The following TCF21 variants were observed in gnomAD, a reference collection of about 807,000 sequenced individuals.
TCF21 encodes capsulin.
A neutral mutation model predicts 13.5 loss-of-function variants in TCF21; 3 were observed. The observed-to-expected ratio is 0.22, with a 90% CI of 0.10 to 0.57. The LOEUF (loss-of-function observed/expected upper bound fraction) is 0.57. TCF21 is among the 20% of genes least tolerant of loss of function. The pLI, the probability that TCF21 is intolerant of heterozygous loss-of-function variation, is 0.92. For synonymous variants in TCF21, 92 were observed against 101.7 expected, an observed-to-expected ratio of 0.90 and a Z score of 0.57; for missense variants, 181 against 238.4, an observed-to-expected ratio of 0.76 and a Z score of 1.59.
At position 133,889,950 on chromosome 6, in the gene TCF21, C is replaced by T; in HGVS notation, c.450+103C>T. ...GCTGGGAGTGGGGGTGTGGGCGCGG[C>T]GGTGACTTACACATCTCGACCACCG... On this transcript the variant is annotated intron_variant, in intron 1 of 1. Coordinates refer to ENST00000367882, the MANE Select transcript of TCF21 (RefSeq NM_003206.4). This position sits in a 1 kb window ranked among gnomAD's most constrained non-coding sequence, Gnocchi z 5.1. The T allele has an allele frequency of 1.5e-6, 2 of 1,338,542 alleles. No homozygotes were observed. Among genetic ancestry groups the T allele is most frequent in the Non-Finnish European group, 2.1e-6 (2 of 943,438 alleles). 82.9% of individuals were successfully genotyped at this position (1,338,542 alleles called of 1,614,324 possible).
downstream of TCF21, chr6:133,892,602 G>A (rs1426555865): frequency 1.3e-5 from 2 of 152,184 alleles, no homozygotes; most frequent in Admixed American, 1.3e-4. Flanking sequence ...TGACACGGGC[G>A]AGAAAGTAAA....
In TCF21 at chr6:133,890,922, C is replaced by T. The variant is rs1775205607; in HGVS notation, c.451-791C>T. 5.3e-5 allele frequency among the ~76,000 whole-genome samples: 8 copies of T among 152,164 alleles called. No homozygotes were observed. The South Asian group carries it at 1.7e-3, about 32-fold the overall frequency. ...TCCAATTGAAAGTTTGGGGTTTTTCCCCCCCAATGAGTAAATAGCTTTTTA... is the reference window on the plus strand; with the variant it reads ...TCCAATTGAAAGTTTGGGGTTTTTCTCCCCCAATGAGTAAATAGCTTTTTA... On this transcript the variant is annotated intron_variant, in intron 1 of 1. Coordinates refer to ENST00000367882, the MANE Select transcript of TCF21 (RefSeq NM_003206.4).
chr6:133,890,759 C>T lies in TCF21; in HGVS notation c.450+912C>T, dbSNP rs1056338295. 1.2e-4 allele frequency among the ~76,000 whole-genome samples: 19 copies of T among 152,234 alleles called. No homozygotes were observed. In the South Asian group the frequency reaches 1.5e-3, roughly 12 times the overall value. On this transcript the variant is annotated intron_variant, in intron 1 of 1. Coordinates refer to ENST00000367882, the MANE Select transcript of TCF21 (RefSeq NM_003206.4). The stretch of plus-strand genomic sequence containing the variant: ...ATATGATAAGAATGAGAGATTTTTC[C>T]TTTTAAAAGGCAAGTCTTATCAGCT...
chr6:133,889,334 T>G lies in TCF21; in HGVS notation c.-64T>G. The G allele has an allele frequency of 1.9e-6, 3 of 1,596,116 alleles. No homozygotes were observed. The highest frequency in any genetic ancestry group is 2.6e-6 in the Non-Finnish European group (3 of 1,170,446). Reference sequence around the variant, plus strand: ...GGGTCTCTCTGTCTCTCTCTCACCCTCTTCCTCGCTTTCTCTGTCTCTCTG... The same window carrying G: ...GGGTCTCTCTGTCTCTCTCTCACCCGCTTCCTCGCTTTCTCTGTCTCTCTG... On this transcript the variant is annotated 5_prime_UTR_variant, in exon 1 of 2. Transcript: ENST00000367882. The surrounding 1 kb of genome is among the most constrained non-coding windows in gnomAD (Gnocchi z 5.1).
At position 133,889,602 on chromosome 6, in the gene TCF21, C is replaced by G; in HGVS notation, c.205C>G (p.Leu69Val). 6.2e-7 allele frequency: 1 copy of G among 1,614,018 alleles called. No individual in the cohort carries two copies. The highest frequency in any genetic ancestry group is 1.6e-4 in the Middle Eastern group (1 of 6,062). The stretch of plus-strand genomic sequence containing the variant: ...GAAGGCGCCCACCAAGAAGAGCCCC[C>G]TGAGCGGGGTCAGCCAGGAGGGGAA... ...RRKAPTKKSP[L>V]SGVSQEGKQV... Residue 69 changes from leucine to valine, a missense_variant, in exon 1 of 2, where the codon CTG (leucine) becomes GTG (valine). Around this residue, in one of 3 missense-constraint regions of TCF21, gnomAD observed 91 missense variants for 98.5 expected, o/e 0.92. Coordinates refer to ENST00000367882, the MANE Select transcript of TCF21 (RefSeq NM_003206.4). The surrounding 1 kb of genome is among the most constrained non-coding windows in gnomAD (Gnocchi z 5.1).
chr6:133,890,913 G>A (rs528945012), intron 1 of TCF21, among the ~76,000 whole-genome samples: 1 of 152,180 alleles, frequency 6.6e-6, no homozygotes, highest in South Asian at 2.1e-4. Flanking sequence ...TGAAAGTTTG[G>A]GGTTTTTCCC....
At chr6:133,891,666 C>T in intron 1 of TCF21, 47 bp from the exon 2 acceptor site, 2 of 1,595,060 alleles carry the variant, frequency 1.3e-6, no homozygotes, top group South Asian at 2.2e-5. Context: ...CCACCCCACC[C>T]CCTCCGCCAC....
In TCF21 at chr6:133,889,646, C is replaced by G. The variant is rs1775174247; in HGVS notation, c.249C>G (p.Ala83=). 6.2e-7 allele frequency: 1 copy of G among 1,613,784 alleles called. No homozygotes were observed. Among genetic ancestry groups the G allele is most frequent in the Non-Finnish European group, 8.5e-7 (1 of 1,179,936 alleles). The stretch of plus-strand genomic sequence containing the variant: ...AGGGGAAGCAGGTCCAGCGCAACGC[C>G]GCCAACGCGCGAGAGCGGGCCCGCA... The part of the protein sequence containing the change: ...SQEGKQVQRN[A]ANARERARMR... Residue 83 remains alanine (A), a synonymous_variant, in exon 1 of 2, where the codon GCC becomes GCG. Coordinates refer to ENST00000367882, the MANE Select transcript of TCF21 (RefSeq NM_003206.4). The surrounding 1 kb of genome is among the most constrained non-coding windows in gnomAD (Gnocchi z 5.1).
chr6:133,889,715 G>T lies in TCF21; in HGVS notation c.318G>T (p.Leu106=). 2 of 1,613,704 alleles carry T rather than the reference G, an allele frequency of 1.2e-6. No individual in the cohort carries two copies. The highest frequency in any genetic ancestry group is 2.2e-5 in the South Asian group (2 of 91,086). The change falls in exon 1 of 2, where the codon CTG becomes CTT. Residue 106 remains leucine, a synonymous_variant. Coordinates refer to ENST00000367882, the MANE Select transcript of TCF21 (RefSeq NM_003206.4). This position sits in a 1 kb window ranked among gnomAD's most constrained non-coding sequence, Gnocchi z 5.1. The part of the protein sequence containing the change: ...SKAFSRLKTT[L]PWVPPDTKLS... Reference sequence around the variant, plus strand: ...CCTTCTCCAGACTCAAGACCACCCTGCCCTGGGTGCCCCCCGACACCAAGC... The same window carrying T: ...CCTTCTCCAGACTCAAGACCACCCTTCCCTGGGTGCCCCCCGACACCAAGC...
intron 1 of TCF21, among the ~76,000 whole-genome samples, chr6:133,890,886 A>C (rs1775204330): frequency 6.6e-6 from 1 of 152,202 alleles, no homozygotes; most frequent in African/African-American, 2.4e-5. Flanking sequence ...TACCATGAAA[A>C]ATGTTTTCTC....
At position 133,889,137 on chromosome 6, in the gene TCF21, G is replaced by A. The variant is rs79935065; in HGVS notation, c.-261G>A. 3.1e-5 allele frequency: 17 copies of A among 553,166 alleles called. No individual in the cohort carries two copies. Among genetic ancestry groups the A allele is most frequent in the Admixed American group, 9.3e-5 (3 of 32,324 alleles). 34.3% of individuals were successfully genotyped at this position (553,166 alleles called of 1,614,324 possible). A position where few individuals can be genotyped will look rare whatever the true frequency, so the allele number is the denominator to read the frequency against. On this transcript the variant is annotated 5_prime_UTR_variant, in exon 1 of 2. Transcript: ENST00000367882. The surrounding 1 kb of genome is among the most constrained non-coding windows in gnomAD (Gnocchi z 5.1). ...CAGCGCTCGCTCACCCTCCTCTACG[G>A]CCACGACTCTGGGAGTGGGGAAACA...
At chr6:133,890,947 A>T (rs1221119918) in intron 1 of TCF21, among the ~76,000 whole-genome samples, 2 of 152,232 alleles carry the variant, frequency 1.3e-5, no homozygotes, top group South Asian at 2.1e-4. Context: ...ATAGCTTTTT[A>T]AAATCTCCAC....
rs1166786087 is a variant in TCF21, at chr6:133,889,793, G to A, written c.396G>A (p.Arg132=). ...CGTCCAGCTACATCGCCCACTTGAG[G>A]CAGATCCTGGCTAACGACAAATACG... ...RLASSYIAHL[R]QILANDKYEN... Residue 132 remains arginine (R), a synonymous_variant, in exon 1 of 2, where the codon AGG becomes AGA. Transcript: ENST00000367882. This position sits in a 1 kb window ranked among gnomAD's most constrained non-coding sequence, Gnocchi z 5.1. 6.2e-7 allele frequency: 1 copy of A among 1,613,250 alleles called. No individual in the cohort carries two copies. Among genetic ancestry groups the A allele is most frequent in the Non-Finnish European group, 8.5e-7 (1 of 1,179,946 alleles).
intron 1 of TCF21, 30 bp from the exon 2 acceptor site, chr6:133,891,683 T>G: frequency 9.0e-7 from 1 of 1,113,314 alleles, no homozygotes; most frequent in Non-Finnish European, 1.2e-6. Context: ...CCACGGCCAC[T>G]TACCTCCTCC....
chr6:133,893,262 C>A (rs1278390036), downstream of TCF21: 1 of 152,368 alleles, frequency 6.6e-6, no homozygotes, highest in Non-Finnish European at 1.5e-5. Flanking sequence ...CTAGGCTGGT[C>A]CCGACTGGAG....
At chr6:133,890,293 A>T (rs924152437) in intron 1 of TCF21, among the ~76,000 whole-genome samples, 1 of 152,210 alleles carries the variant, frequency 6.6e-6, no homozygotes, top group Admixed American at 6.5e-5. Flanking sequence ...GTAAATAAAA[A>T]CACCCAACTC....
Position 133,889,897 on chromosome 6 carries a change from G to T in TCF21, c.450+50G>T. 6.2e-7 allele frequency: 1 copy of T among 1,602,056 alleles called. No homozygotes were observed. Among genetic ancestry groups the T allele is most frequent in the Non-Finnish European group, 8.5e-7 (1 of 1,171,360 alleles). On this transcript the variant is annotated intron_variant, in intron 1 of 1. Transcript: ENST00000367882. This position sits in a 1 kb window ranked among gnomAD's most constrained non-coding sequence, Gnocchi z 5.1. Reference sequence around the variant, plus strand: ...GCAGTCCAGGCGCGCCCGCACTCCCGCCTGCGGTGGGCGCGAGTGCGCGCG... The same window carrying T: ...GCAGTCCAGGCGCGCCCGCACTCCCTCCTGCGGTGGGCGCGAGTGCGCGCG...
At position 133,891,719 on chromosome 6, in the gene TCF21, C is replaced by A. The variant is rs759778278; in HGVS notation, c.457C>A (p.Pro153Thr). 6.3e-7 allele frequency: 1 copy of A among 1,591,368 alleles called. No homozygotes were observed. Among genetic ancestry groups the A allele is most frequent in the South Asian group, 1.1e-5 (1 of 90,842 alleles). The change falls in exon 2 of 2, where the codon CCC becomes ACC. Residue 153 changes from proline (P) to threonine (T), a missense_variant. Pro to Thr is a conservative substitution (Grantham distance 38, BLOSUM62 -1). Transcript: ENST00000367882. Reference sequence around the variant, plus strand: ...ACCCTCTTCTTTCCCGCAGACGTGGCCCTTTATGGTGGCCGGGAAACCCGA... The same window carrying A: ...ACCCTCTTCTTTCCCGCAGACGTGGACCTTTATGGTGGCCGGGAAACCCGA... ...GYIHPVNLTW[P>T]FMVAGKPESD...
At position 133,891,980 on chromosome 6, in the gene TCF21, C is replaced by A; in HGVS notation, c.*178C>A. The stretch of plus-strand genomic sequence containing the variant: ...GATTCGTTTCCAAACCAGAGGAGAT[C>A]AATTGTACTTACAAAGATTCCCATC... On this transcript the variant is annotated 3_prime_UTR_variant, in exon 2 of 2. Coordinates refer to ENST00000367882, the MANE Select transcript of TCF21 (RefSeq NM_003206.4). The A allele has an allele frequency of 1.6e-6, 1 of 611,292 alleles. No homozygotes were observed. The highest frequency in any genetic ancestry group is 2.8e-6 in the Non-Finnish European group (1 of 351,656). 37.9% of individuals were successfully genotyped at this position (611,292 alleles called of 1,614,324 possible).
Sources: allele counts gnomAD v4.1 joint callset (sites outside exome capture counted in the v4.1 genomes callset), GRCh38; gene constraint gnomAD v4.1.1; regional missense constraint gnomAD v4.1.1; non-coding constraint Gnocchi (gnomAD v3.1); transcripts MANE v1.5; gene names NCBI Gene and HGNC (gene_info 2026-07-23, HGNC 2026-07-21).